CAMK2A: variants seen among roughly 807,000 people sequenced by gnomAD.
CAMK2A encodes the protein calcium/calmodulin-dependent protein kinase type II subunit alpha.
A neutral mutation model predicts 79.2 loss-of-function variants in CAMK2A; 7 were observed. The observed-to-expected ratio is 0.09, with a 90% CI of 0.05 to 0.17. CAMK2A has a LOEUF of 0.17. Among genes scored for constraint, CAMK2A ranks in the 10% least tolerant of loss-of-function variants. CAMK2A has a pLI of 1.00. For synonymous variants in CAMK2A, 242 were observed against 251.7 expected (o/e 0.96, Z 0.36); for missense variants, 214 against 646.4 (o/e 0.33, Z 7.25).
At chr5:150,270,911 A>T (rs1421743356) in intron 2 of CAMK2A, among the ~76,000 whole-genome samples, 1 of 151,936 alleles carries the variant, frequency 6.6e-6, no homozygotes. Flanking sequence ...TCCCATACAC[A>T]TCTGTCTCTT....
intron 18 of CAMK2A, 110 bp downstream of exon 18, chr5:150,222,879 C>T: frequency 7.2e-7 from 1 of 1,396,492 alleles, no homozygotes; most frequent in Non-Finnish European, 1.0e-6. Flanking sequence ...CCCCACCCCA[C>T]TCTGCAGCCT....
At position 150,272,497 on chromosome 5, in the gene CAMK2A, G is replaced by T. The variant is rs547468633; in HGVS notation, c.157+568C>A. On this transcript the variant is annotated intron_variant, in intron 2 of 18. Coordinates refer to ENST00000671881, the MANE Select transcript of CAMK2A (RefSeq NM_015981.4). ...TGAGGCAGGAGAATCGCTTGAACCC[G>T]GGAGGCAGAGGTTGCAGTGAGCCAA... Among the ~76,000 whole-genome samples, 6 of 151,814 alleles carry T rather than the reference G, an allele frequency of 4.0e-5. No individual in the cohort carries two copies. The East Asian group carries it at 9.7e-4, about 25-fold the overall frequency.
chr5:150,238,733 T>C lies in CAMK2A; in HGVS notation c.1033A>G (p.Thr345Ala), dbSNP rs1350890212. ...TCTTCATCCTCGATGGTGGTGTTGG[T>C]GCTCTCTGAGGATTCCTGCCAAAGA... ...SVQLMESSES[T>A]NTTIEDEDTK... The change falls in exon 15 of 19, where the codon ACC becomes GCC. Residue 345 changes from threonine to alanine, a missense_variant. Physicochemically the swap from Thr to Ala is moderately conservative, Grantham distance 58. This residue lies in a region of CAMK2A where 123 missense variants were observed against 242.4 expected (regional missense o/e 0.51). Transcript: ENST00000671881. 1.9e-6 allele frequency: 3 copies of C among 1,608,382 alleles called. No individual in the cohort carries two copies. The highest frequency in any genetic ancestry group is 2.5e-6 in the Non-Finnish European group (3 of 1,176,910).
chr5:150,237,627 C>T (rs893194172), intron 15 of CAMK2A, among the ~76,000 whole-genome samples: 4 of 152,080 alleles, frequency 2.6e-5, no homozygotes, highest in African/African-American at 9.7e-5. Flanking sequence ...CTAGCCACAT[C>T]CTTGTGAGCC....
intron 1 of CAMK2A, among the ~76,000 whole-genome samples, chr5:150,276,771 A>C (rs1036546353): frequency 2.6e-5 from 4 of 152,062 alleles, no homozygotes; most frequent in African/African-American, 9.7e-5. Flanking sequence ...CAGCTCAATT[A>C]ATATATGTGG....
At position 150,259,347 on chromosome 5, in the gene CAMK2A, C is replaced by T. The variant is rs138988148; in HGVS notation, c.218-1730G>A. ...CCAACCTGGGCAACATGATGAAACCCCATCTCTACAAACAATACAAAAATT... is the reference window on the plus strand; with the variant it reads ...CCAACCTGGGCAACATGATGAAACCTCATCTCTACAAACAATACAAAAATT... On this transcript the variant is annotated intron_variant, in intron 3 of 18. Transcript: ENST00000671881. Among the ~76,000 whole-genome samples, 843 of 151,900 alleles carry T rather than the reference C, an allele frequency of 5.5e-3. 4 individuals are homozygous for T. The highest frequency in any genetic ancestry group is 0.019 in the African/African-American group (778 of 41,410).
chr5:150,281,697 C>T (rs1415877282), intron 1 of CAMK2A, among the ~76,000 whole-genome samples: 1 of 152,180 alleles, frequency 6.6e-6, no homozygotes, highest in East Asian at 1.9e-4. Flanking sequence ...CAGCATTCTG[C>T]GTGTTGCAGT....
chr5:150,253,689 G>T, intron 6 of CAMK2A, 143 bp from the exon 7 acceptor site: 1 of 666,248 alleles, frequency 1.5e-6, no homozygotes, highest in Non-Finnish European at 2.7e-6. Flanking sequence ...CTCCAGCCCC[G>T]CCTCAGGCTC....
chr5:150,273,292 T>G, intron 1 of CAMK2A, 133 bp from the exon 2 acceptor site: 1 of 646,840 alleles, frequency 1.5e-6, no homozygotes, highest in African/African-American at 1.8e-5. Context: ...TCACAGGGGC[T>G]TCTGTGACCC....
At chr5:150,246,458 C>T (rs752432829) in intron 12 of CAMK2A, among the ~76,000 whole-genome samples, 19 of 152,094 alleles carry the variant, frequency 1.2e-4, no homozygotes, top group East Asian at 1.9e-4. Context: ...TTTCAAGAGA[C>T]GACAGCAATC....
At chr5:150,289,125 T>A (rs1757557445) in intron 1 of CAMK2A, among the ~76,000 whole-genome samples, 2 of 152,208 alleles carry the variant, frequency 1.3e-5, no homozygotes, top group Non-Finnish European at 2.9e-5. Flanking sequence ...CGGGAGCTGG[T>A]GAATTCTCTG....
chr5:150,229,624 AG>A (rs1754756326), intron 16 of CAMK2A, among the ~76,000 whole-genome samples: 1 of 152,142 alleles, frequency 6.6e-6, no homozygotes, highest in Admixed American at 6.5e-5. Context: ...CATAGGTGGG[AG>A]GGGTTCCCCA....
At chr5:150,226,747 G>C (rs993765371) in intron 17 of CAMK2A, among the ~76,000 whole-genome samples, 54 of 100,252 alleles carry the variant, frequency 5.4e-4, no homozygotes, top group African/African-American at 1.0e-3. Flanking sequence ...AAAAAAAAGG[G>C]GGGGGGGGGA....
intron 3 of CAMK2A, among the ~76,000 whole-genome samples, chr5:150,264,020 G>C (rs1197270645): frequency 3.3e-5 from 5 of 152,206 alleles, no homozygotes; most frequent in African/African-American, 1.2e-4. Context: ...GGCACGGAGA[G>C]AGGCTTCCCT....
intron 2 of CAMK2A, among the ~76,000 whole-genome samples, chr5:150,268,598 A>T (rs778929959): frequency 1.3e-5 from 2 of 152,198 alleles, no homozygotes; most frequent in Non-Finnish European, 1.5e-5. Context: ...ACTGCCCAGA[A>T]AATGGGCACA....
At position 150,273,175 on chromosome 5, in the gene CAMK2A, A is replaced by T; in HGVS notation, c.63-16T>A. ...GAAGGCTCCCCTAGGAGGACAGAGA[A>T]GGTGGAGAGGGTGAGGGAATGCCTG... On this transcript the variant is annotated splice_polypyrimidine_tract_variant and intron_variant, in intron 1 of 18. Coordinates refer to ENST00000671881, the MANE Select transcript of CAMK2A (RefSeq NM_015981.4). 6.3e-7 allele frequency: 1 copy of T among 1,599,872 alleles called. No individual in the cohort carries two copies. The highest frequency in any genetic ancestry group is 2.2e-5 in the East Asian group (1 of 44,694).
At chr5:150,232,377 G>T (rs1754881935) in intron 15 of CAMK2A, among the ~76,000 whole-genome samples, 1 of 152,192 alleles carries the variant, frequency 6.6e-6, no homozygotes, top group African/African-American at 2.4e-5. Flanking sequence ...ACCATGCCCT[G>T]CCTCCCTAGG....
intron 1 of CAMK2A, among the ~76,000 whole-genome samples, chr5:150,274,507 T>C (rs921313884): frequency 1.3e-5 from 2 of 152,194 alleles, no homozygotes; most frequent in African/African-American, 4.8e-5. Context: ...AAAGGCCATG[T>C]GCTCCAACCC....
At chr5:150,239,150 C>T (rs896048806) in intron 14 of CAMK2A, among the ~76,000 whole-genome samples, 3 of 151,984 alleles carry the variant, frequency 2.0e-5, no homozygotes, top group Non-Finnish European at 2.9e-5. Flanking sequence ...ATGGTGGGCT[C>T]TTCAGAGGGG....
Sources: allele counts gnomAD v4.1 joint callset (sites outside exome capture counted in the v4.1 genomes callset), GRCh38; gene constraint gnomAD v4.1.1; regional missense constraint gnomAD v4.1.1; transcripts MANE v1.5; gene names NCBI Gene and HGNC (gene_info 2026-07-23, HGNC 2026-07-21).